FRMPD1: variants seen among roughly 807,000 people sequenced by gnomAD.
The protein encoded by FRMPD1 is FERM and PDZ domain-containing protein 1.
In FRMPD1, 76 loss-of-function variants were observed where a neutral mutation model predicts 117.8. The ratio of observed to expected loss-of-function variants is 0.65; its 90% CI spans 0.54 to 0.78. The LOEUF (loss-of-function observed/expected upper bound fraction) is 0.78, where lower values mean the gene tolerates loss of function less well. Ranked by LOEUF, FRMPD1 falls within the 30% of genes least tolerant of loss-of-function variation. The pLI is 0.00. For synonymous variants in FRMPD1, 783 were observed against 770.4 expected (o/e 1.02, Z -0.27); for missense variants, 1,786 against 1,964.5 (o/e 0.91, Z 1.72).
chr9:37,692,550 G>A (rs988290818), intron 1 of FRMPD1, 88 bp from the exon 2 acceptor site: 6 of 862,918 alleles, frequency 7.0e-6, no homozygotes, highest in Non-Finnish European at 1.2e-5. Context: ...CTTATAATGG[G>A]CAAATAAAGG....
intron 1 of FRMPD1, among the ~76,000 whole-genome samples, chr9:37,670,903 A>G (rs1359061185): frequency 6.6e-6 from 1 of 152,238 alleles, no homozygotes; most frequent in African/African-American, 2.4e-5. Context: ...TTTTGAAATA[A>G]GCATCCAGGG....
chr9:37,729,594 G>C (rs1823772143), intron 7 of FRMPD1, 134 bp from the exon 8 acceptor site: 1 of 870,654 alleles, frequency 1.1e-6, no homozygotes, highest in South Asian at 1.6e-5. Context: ...AGTGGGACCA[G>C]ACTCTGGCGT....
chr9:37,667,715 T>C (rs1267930249), intron 1 of FRMPD1, among the ~76,000 whole-genome samples: 1 of 150,328 alleles, frequency 6.7e-6, no homozygotes, highest in Non-Finnish European at 1.5e-5. Context: ...AGGTTACCCC[T>C]GTGCTTATTT....
rs767897267 is a variant in FRMPD1 at position 37,740,616 on chromosome 9, C to A, written c.2088C>A (p.Pro696=). Residue 696 remains proline, a synonymous_variant, in exon 15 of 16, where the codon CCC becomes CCA. Coordinates refer to ENST00000377765, the MANE Select transcript of FRMPD1 (RefSeq NM_014907.3). The surrounding 1 kb of genome is among the most constrained non-coding windows in gnomAD (Gnocchi z 4.2). ...AACTGAGCACAGTCAGGCTGGACCCCAGGCTGTATGAAGGCAGCCACGCTG... is the reference window on the plus strand; with the variant it reads ...AACTGAGCACAGTCAGGCTGGACCCAAGGCTGTATGAAGGCAGCCACGCTG... ...APELSTVRLD[P]RLYEGSHADY... is the part of the protein sequence containing the mutation. 6.2e-7 allele frequency: 1 copy of A among 1,614,178 alleles called. No homozygotes were observed. The highest frequency in any genetic ancestry group is 8.5e-7 in the Non-Finnish European group (1 of 1,180,020).
chr9:37,683,342 T>G (rs934635505), intron 1 of FRMPD1, among the ~76,000 whole-genome samples: 4 of 152,260 alleles, frequency 2.6e-5, no homozygotes, highest in African/African-American at 9.6e-5. Context: ...CTTGGGCATA[T>G]TTCCGTAGAA....
intron 6 of FRMPD1, among the ~76,000 whole-genome samples, chr9:37,720,169 G>A (rs1395952756): frequency 5.9e-5 from 9 of 152,220 alleles, no homozygotes; most frequent in Non-Finnish European, 1.2e-4. Context: ...GAGTGAGAAA[G>A]GTGGACTTGT....
intron 9 of FRMPD1, 94 bp from the exon 10 acceptor site, chr9:37,732,210 G>A (rs775856547): frequency 2.9e-5 from 38 of 1,328,802 alleles, no homozygotes; most frequent in Middle Eastern, 4.5e-4. Context: ...CTCTCAAAGC[G>A]GAGCTCCTGG....
In FRMPD1 at chr9:37,745,000, T is replaced by C; in HGVS notation, c.2968T>C (p.Leu990=). ...TGCTCAGGCAAGGCCTTCCCAAATC[T>C]TACCTCTATCTCAAGACCTGGATGG... ...DTAQARPSQI[L]PLSQDLDGIA... Residue 990 remains leucine (L), a synonymous_variant, in exon 16 of 16, where the codon TTA becomes CTA. Transcript: ENST00000377765. The C allele has an allele frequency of 6.2e-7, 1 of 1,614,158 alleles. No individual in the cohort carries two copies. The highest frequency in any genetic ancestry group is 8.5e-7 in the Non-Finnish European group (1 of 1,180,036).
chr9:37,637,984 C>CTT, the FRMPD1 span, among the ~76,000 whole-genome samples: 1 of 120,882 alleles, frequency 8.3e-6, no homozygotes, highest in South Asian at 2.9e-4. Flanking sequence ...TTCTTTCTTT[C>CTT]TTTCTTTCTT....
At chr9:37,725,259 G>A (rs1563951721) in intron 7 of FRMPD1, among the ~76,000 whole-genome samples, 1 of 152,152 alleles carries the variant, frequency 6.6e-6, no homozygotes, top group Non-Finnish European at 1.5e-5. Context: ...GGAGTAAATA[G>A]TGTTAGAGTG....
chr9:37,706,840 T>A (rs1190322535), intron 2 of FRMPD1, among the ~76,000 whole-genome samples: 2 of 152,178 alleles, frequency 1.3e-5, no homozygotes, highest in African/African-American at 4.8e-5. Flanking sequence ...CAACTCCTTG[T>A]TTCTGCTCAC....
chr9:37,685,109 C>T (rs1821875122), intron 1 of FRMPD1, among the ~76,000 whole-genome samples: 1 of 152,070 alleles, frequency 6.6e-6, no homozygotes, highest in Non-Finnish European at 1.5e-5. Context: ...TTTACATCTC[C>T]CAGAGAGAAA....
intron 7 of FRMPD1, among the ~76,000 whole-genome samples, chr9:37,725,614 C>T (rs79673368): frequency 0.016 from 2,372 of 152,282 alleles, 62 homozygotes; most frequent in African/African-American, 0.053. Context: ...CTTTCTGAAC[C>T]TGGGGAACTC....
At chr9:37,605,309 G>A in the FRMPD1 span, among the ~76,000 whole-genome samples, 1 of 152,208 alleles carries the variant, frequency 6.6e-6, no homozygotes, top group Non-Finnish European at 1.5e-5. Flanking sequence ...CAGAATGCTA[G>A]TCAGTCCCTG....
At chr9:37,726,905 G>A (rs969933733) in intron 7 of FRMPD1, among the ~76,000 whole-genome samples, 3 of 152,060 alleles carry the variant, frequency 2.0e-5, no homozygotes, top group South Asian at 4.2e-4. Flanking sequence ...CCAGCTGGGT[G>A]CCAAATAAAG....
Position 37,739,017 on chromosome 9 carries a change from T to C in FRMPD1, c.1550-1061T>C, listed in dbSNP as rs145041730. Among the ~76,000 whole-genome samples, 795 of 149,912 alleles carry C rather than the reference T, an allele frequency of 5.3e-3. 7 individuals carry two copies. The highest frequency in any genetic ancestry group is 0.018 in the African/African-American group (721 of 40,696). On this transcript the variant is annotated intron_variant, in intron 14 of 15. Coordinates refer to ENST00000377765, the MANE Select transcript of FRMPD1 (RefSeq NM_014907.3). ...ATATTGCAAGAGGGGAAAAGGGAGA[T>C]GGTGAAAAGAGATAGGAGCCCCACC...
chr9:37,655,323 T>C (rs1300335721), intron 1 of FRMPD1, among the ~76,000 whole-genome samples: 1 of 152,136 alleles, frequency 6.6e-6, no homozygotes, highest in Non-Finnish European at 1.5e-5. Context: ...AGCATCAGGC[T>C]TCAGTGCTCT....
chr9:37,607,303 G>A, the FRMPD1 span, among the ~76,000 whole-genome samples: 4 of 152,096 alleles, frequency 2.6e-5, no homozygotes, highest in Admixed American at 2.0e-4. Flanking sequence ...GTGACAAAGT[G>A]AGACTCCATC....
At chr9:37,626,198 C>A in the FRMPD1 span, among the ~76,000 whole-genome samples, 1 of 152,176 alleles carries the variant, frequency 6.6e-6, no homozygotes, top group Non-Finnish European at 1.5e-5. Context: ...CATGGTGGCA[C>A]ATGCCTGTAA....
Sources: allele counts gnomAD v4.1 joint callset (sites outside exome capture counted in the v4.1 genomes callset), GRCh38; gene constraint gnomAD v4.1.1; non-coding constraint Gnocchi (gnomAD v3.1); transcripts MANE v1.5; gene names NCBI Gene and HGNC (gene_info 2026-07-23, HGNC 2026-07-21).